The following CRYBG3 variants were observed in gnomAD, a reference collection of about 807,000 sequenced individuals.
The protein encoded by CRYBG3 is very large A-kinase anchor protein.
Under a neutral mutation model 244.2 loss-of-function variants are expected in CRYBG3, and 127 were observed. The ratio of observed to expected loss-of-function variants is 0.52; its 90% confidence interval spans 0.45 to 0.60. The LOEUF (loss-of-function observed/expected upper bound fraction) is 0.60. Among genes scored for constraint, CRYBG3 ranks in the 20% least tolerant of loss-of-function variants. The pLI is 0.00. For missense variants in CRYBG3, 3,325 were observed against 3,442.5 expected, an observed-to-expected ratio of 0.97 and a Z score of 0.85; for synonymous variants, 1,132 against 1,195.8, an observed-to-expected ratio of 0.95 and a Z score of 1.10.
chr3:97,920,731 T>C (rs1347107375), intron 17 of CRYBG3, among the ~76,000 whole-genome samples: 1 of 152,170 alleles, frequency 6.6e-6, no homozygotes, highest in East Asian at 1.9e-4. Context: ...GGTTTCACCA[T>C]GTTGGCCAGG....
At chr3:97,828,927 G>T (rs2108152776) in intron 1 of CRYBG3, among the ~76,000 whole-genome samples, 1 of 151,756 alleles carries the variant, frequency 6.6e-6, no homozygotes, top group East Asian at 1.9e-4. Flanking sequence ...ATATACAAAA[G>T]AAGGGGATAT....
At chr3:97,937,924 C>T (rs1225315856) in intron 19 of CRYBG3, among the ~76,000 whole-genome samples, 1 of 152,004 alleles carries the variant, frequency 6.6e-6, no homozygotes, top group Non-Finnish European at 1.5e-5. Flanking sequence ...CAACTCAAAG[C>T]AGTAACATAA....
intron 2 of CRYBG3, among the ~76,000 whole-genome samples, chr3:97,844,418 A>T (rs2038868911): frequency 6.6e-6 from 1 of 152,172 alleles, no homozygotes; most frequent in Admixed American, 6.5e-5. Context: ...TAATGCTATA[A>T]AACTTGCCCT....
At chr3:97,899,674 T>G (rs1321995824) in intron 14 of CRYBG3, among the ~76,000 whole-genome samples, 3 of 152,176 alleles carry the variant, frequency 2.0e-5, no homozygotes, top group Non-Finnish European at 4.4e-5. Context: ...AATCAGTGCC[T>G]GGGGAATTGA....
intron 2 of CRYBG3, among the ~76,000 whole-genome samples, chr3:97,858,165 G>GTT (rs71113873): frequency 1.4e-5 from 2 of 139,824 alleles, no homozygotes; most frequent in African/African-American, 5.3e-5. Flanking sequence ...TTTTAGTTGA[G>GTT]TTTTTTTTTT....
chr3:97,877,786 G>A lies in CRYBG3; in HGVS notation c.6592G>A (p.Val2198Met). 4 of 1,614,094 alleles carry A rather than the reference G, an allele frequency of 2.5e-6. No homozygotes were observed. Among genetic ancestry groups the A allele is most frequent in the Non-Finnish European group, 3.4e-6 (4 of 1,180,008 alleles). ...ESVGISKNSY[V>M]MPNEPTTSNL... ...CGTTGGAATTTCTAAGAATTCATAT[G>A]TGATGCCAAATGAACCTACTACCTC... Residue 2198 changes from valine to methionine, a missense_variant, in exon 4 of 22, where the codon GTG becomes ATG. By Grantham distance (21) the Val-to-Met change is conservative (BLOSUM62 1). Coordinates refer to ENST00000389622, the MANE Select transcript of CRYBG3 (RefSeq NM_153605.4).
chr3:97,874,215 A>T lies in CRYBG3; in HGVS notation c.3021A>T (p.Ser1007=). The T allele has an allele frequency of 6.5e-7, 1 of 1,534,124 alleles. No individual in the cohort carries two copies. Among genetic ancestry groups the T allele is most frequent in the Middle Eastern group, 1.7e-4 (1 of 5,978 alleles). Reference sequence around the variant, plus strand: ...AAACTGGCAGCATGAAAGTAAATTCACCTTTTCTGGATTCTGATTCCAGTT... The same window carrying T: ...AAACTGGCAGCATGAAAGTAAATTCTCCTTTTCTGGATTCTGATTCCAGTT... ...FQETGSMKVN[S]PFLDSDSSLE... Residue 1007 remains serine (S), a synonymous_variant, in exon 4 of 22, where the codon TCA becomes TCT. Coordinates refer to ENST00000389622, the MANE Select transcript of CRYBG3 (RefSeq NM_153605.4).
intron 19 of CRYBG3, among the ~76,000 whole-genome samples, chr3:97,940,685 A>G (rs1472628916): frequency 6.6e-6 from 1 of 152,008 alleles, no homozygotes; most frequent in Non-Finnish European, 1.5e-5. Context: ...TAGTGCCCTC[A>G]GCTATCTGGG....
chr3:97,903,517 TTAA>T (rs2039728934), intron 15 of CRYBG3, among the ~76,000 whole-genome samples: 1 of 152,160 alleles, frequency 6.6e-6, no homozygotes, highest in African/African-American at 2.4e-5. Flanking sequence ...AGACTTTTCC[TTAA>T]TAATCAACAT....
intron 7 of CRYBG3, among the ~76,000 whole-genome samples, chr3:97,882,347 T>C (rs1409976230): frequency 2.0e-5 from 3 of 152,086 alleles, no homozygotes; most frequent in Non-Finnish European, 4.4e-5. Context: ...TTTTCTAGTG[T>C]AGATTGCTAC....
chr3:97,862,274 G>T (rs987177136), intron 2 of CRYBG3, among the ~76,000 whole-genome samples: 2 of 152,232 alleles, frequency 1.3e-5, no homozygotes, highest in South Asian at 4.2e-4. Context: ...AGATTTTAAT[G>T]ATGTTAAAAG....
At chr3:97,835,372 G>A (rs1378995628) in intron 1 of CRYBG3, among the ~76,000 whole-genome samples, 2 of 152,016 alleles carry the variant, frequency 1.3e-5, no homozygotes, top group East Asian at 3.9e-4. Context: ...TGTCTCTATT[G>A]GGTAGCATTT....
At chr3:97,855,549 C>T (rs2039051007) in intron 2 of CRYBG3, among the ~76,000 whole-genome samples, 1 of 152,110 alleles carries the variant, frequency 6.6e-6, no homozygotes, top group Non-Finnish European at 1.5e-5. Flanking sequence ...TCTGTTTCTT[C>T]TTGCTTCAAT....
chr3:97,934,240 ATCAG>A (rs554995560), intron 18 of CRYBG3, among the ~76,000 whole-genome samples: 9 of 152,220 alleles, frequency 5.9e-5, no homozygotes, highest in African/African-American at 1.7e-4. Flanking sequence ...CATTTAGGTT[ATCAG>A]TCAGTCAGGG....
intron 2 of CRYBG3, among the ~76,000 whole-genome samples, chr3:97,859,790 A>C (rs2039119716): frequency 6.6e-6 from 1 of 152,184 alleles, no homozygotes; most frequent in African/African-American, 2.4e-5. Context: ...TACAGAATTT[A>C]TAAGGCTTTA....
chr3:97,925,854 TTAAA>T (rs1275052244), intron 17 of CRYBG3, among the ~76,000 whole-genome samples: 1 of 152,042 alleles, frequency 6.6e-6, no homozygotes, highest in Admixed American at 6.6e-5. Flanking sequence ...TAATTTTTTT[TTAAA>T]TAAGGAGAAA....
intron 19 of CRYBG3, 147 bp downstream of exon 19, chr3:97,937,055 A>G: frequency 1.2e-6 from 1 of 842,110 alleles, no homozygotes; most frequent in Non-Finnish European, 1.8e-6. Flanking sequence ...TATCTTGTAC[A>G]TTTTAACCAA....
At chr3:97,927,263 T>C (rs1351802437) in intron 17 of CRYBG3, among the ~76,000 whole-genome samples, 1 of 151,752 alleles carries the variant, frequency 6.6e-6, no homozygotes, top group Non-Finnish European at 1.5e-5. Context: ...AAATAAAGCC[T>C]CACACCTACA....
intron 1 of CRYBG3, among the ~76,000 whole-genome samples, chr3:97,826,517 T>G (rs766781301): frequency 5.9e-5 from 9 of 152,170 alleles, no homozygotes; most frequent in African/African-American, 9.7e-5. Context: ...AAAGTTCTGA[T>G]GAAATATACC....
Sources: gnomAD v4.1 joint callset for allele counts (sites outside exome capture counted in the v4.1 genomes callset) on GRCh38, gnomAD v4.1.1 for gene constraint, MANE v1.5 for transcripts, NCBI Gene and HGNC (gene_info 2026-07-23, HGNC 2026-07-21) for gene names.